REXO2: variants seen among roughly 807,000 people sequenced by gnomAD.
The protein encoded by REXO2 is RNA exonuclease 2.
A neutral mutation model predicts 30.9 loss-of-function variants in REXO2; 17 were observed. The observed-to-expected ratio is 0.55, with a 90% CI of 0.38 to 0.82. REXO2 has a LOEUF of 0.82. Among genes scored for constraint, REXO2 ranks in the 40% least tolerant of loss-of-function variants. The pLI is 0.00. For missense variants in REXO2, 253 were observed against 293.2 expected (o/e 0.86, Z 1.00); for synonymous variants, 105 against 99.6 (o/e 1.05, Z -0.32).
At chr11:114,443,115 CTT>C (rs760500402) in intron 2 of REXO2, among the ~76,000 whole-genome samples, 4 of 144,498 alleles carry the variant, frequency 2.8e-5, no homozygotes, top group African/African-American at 1.0e-4. Context: ...AATATAGATA[CTT>C]TTTTTTTTTA....
At chr11:114,444,332 A>G (rs1283843468) in intron 3 of REXO2, 2 of 635,358 alleles carry the variant, frequency 3.1e-6, no homozygotes, top group Non-Finnish European at 5.7e-6. Flanking sequence ...ACATGCTATT[A>G]ACAGTCAGGA....
At chr11:114,448,475 T>G (rs1187720751) in intron 6 of REXO2, among the ~76,000 whole-genome samples, 2 of 152,202 alleles carry the variant, frequency 1.3e-5, no homozygotes, top group African/African-American at 4.8e-5. Context: ...ATGATGTACC[T>G]TGCACAGTTA....
chr11:114,446,443 C>T (rs1946510371), intron 5 of REXO2: 2 of 165,164 alleles, frequency 1.2e-5, no homozygotes, highest in Non-Finnish European at 2.6e-5. Context: ...AAAAAACGCA[C>T]CCTGAAAATA....
At chr11:114,440,094 C>T (rs1946465395) in intron 1 of REXO2, 1 of 471,220 alleles carries the variant, frequency 2.1e-6, no homozygotes, top group Non-Finnish European at 4.2e-6. Context: ...CCTTACCCCT[C>T]ATTCCATAAG....
chr11:114,448,741 G>T (rs753638138), intron 6 of REXO2, among the ~76,000 whole-genome samples: 1 of 152,204 alleles, frequency 6.6e-6, no homozygotes, highest in African/African-American at 2.4e-5. Context: ...GCAGTGAAAC[G>T]TGTATATTCA....
intron 2 of REXO2, among the ~76,000 whole-genome samples, chr11:114,442,602 A>C (rs888527258): frequency 2.6e-5 from 4 of 152,208 alleles, no homozygotes; most frequent in African/African-American, 9.7e-5. Flanking sequence ...CTTAGTAGTA[A>C]TAATACCTTG....
At chr11:114,448,914 A>G (rs888498450) in intron 6 of REXO2, 10 of 152,266 alleles carry the variant, frequency 6.6e-5, no homozygotes, top group African/African-American at 2.4e-4. Context: ...CAGAGGCTAT[A>G]ATTTTGGCAG....
chr11:114,449,442 A>AATAT (rs4019733), intron 6 of REXO2, among the ~76,000 whole-genome samples: 90,904 of 151,418 alleles, frequency 0.6, 28,765 homozygotes, highest in African/African-American at 0.82. Flanking sequence ...AAAATTAATA[A>AATAT]ATTAGAAATA....
At chr11:114,439,979 C>G in intron 1 of REXO2, 1 of 512,122 alleles carries the variant, frequency 2.0e-6, no homozygotes, top group Non-Finnish European at 3.5e-6. Flanking sequence ...GCTTGGGTCA[C>G]TGGAGTGGGG....
At chr11:114,447,957 T>A (rs1946519598) in intron 6 of REXO2, 78 bp downstream of exon 6, 1 of 1,057,736 alleles carries the variant, frequency 9.5e-7, no homozygotes. Flanking sequence ...TGAAATAATG[T>A]CCCTTAACTC....
At chr11:114,445,954 T>G in intron 4 of REXO2, 25 bp from the exon 5 acceptor site, 1 of 1,144,142 alleles carries the variant, frequency 8.7e-7, no homozygotes, top group Non-Finnish European at 1.3e-6. Context: ...AATATAGAGA[T>G]GCAGTATGCT....
chr11:114,439,583 G>T lies in REXO2; in HGVS notation c.55G>T (p.Gly19Ter), dbSNP rs886719091. Residue 19 changes from glycine (G) to a stop codon, truncating the protein, a stop_gained, in exon 1 of 7, where the codon GGA becomes TGA. Transcript: ENST00000265881. LOFTEE classifies it high-confidence loss of function. ...GTTGCGGGGTGTAGGTGGGAGTCACGGACGGTTCGGGGCCCGAGGTGTCCG... is the reference window on the plus strand; with the variant it reads ...GTTGCGGGGTGTAGGTGGGAGTCACTGACGGTTCGGGGCCCGAGGTGTCCG... ...RLLRGVGGSH[G>*]RFGARGVREG... is the part of the protein sequence containing the mutation. The T allele has an allele frequency of 3.1e-6, 5 of 1,609,152 alleles. No individual in the cohort carries two copies. The African/African-American group carries it at 5.4e-5, about 17-fold the overall frequency.
intron 2 of REXO2, among the ~76,000 whole-genome samples, chr11:114,442,993 T>G (rs1448248805): frequency 6.6e-6 from 1 of 152,250 alleles, no homozygotes; most frequent in Non-Finnish European, 1.5e-5. Context: ...TCCAAGTTTA[T>G]GTATTGTCTT....
intron 2 of REXO2, chr11:114,441,832 A>G: frequency 1.4e-6 from 1 of 696,158 alleles, no homozygotes; most frequent in East Asian, 2.7e-5. Flanking sequence ...CTGTAGGAGA[A>G]TCATGAGACT....
chr11:114,445,958 G>A, intron 4 of REXO2, 21 bp from the exon 5 acceptor site: 4 of 1,246,326 alleles, frequency 3.2e-6, no homozygotes, highest in Non-Finnish European at 4.7e-6. Flanking sequence ...TAGAGATGCA[G>A]TATGCTTCGT....
intron 2 of REXO2, among the ~76,000 whole-genome samples, chr11:114,442,159 T>TA (rs56827315): frequency 0.017 from 2,334 of 134,686 alleles, 44 homozygotes; most frequent in African/African-American, 0.053. Flanking sequence ...ATAAAGATGT[T>TA]AAAAAAAAAA....
chr11:114,441,393 A>G (rs1319717972), intron 2 of REXO2, among the ~76,000 whole-genome samples: 1 of 152,242 alleles, frequency 6.6e-6, no homozygotes, highest in Non-Finnish European at 1.5e-5. Context: ...GCACACCCGT[A>G]AAGTGTTCTG....
At chr11:114,449,579 C>T (rs1474884201) in intron 6 of REXO2, among the ~76,000 whole-genome samples, 5 of 151,946 alleles carry the variant, frequency 3.3e-5, no homozygotes, top group Non-Finnish European at 7.4e-5. Context: ...TATTTTTTCT[C>T]CCTGTGGAAC....
Position 114,442,006 on chromosome 11 carries a change from T to G in REXO2, c.231+1267T>G, listed in dbSNP as rs1199449132. On this transcript the variant is annotated intron_variant, in intron 2 of 6. Transcript: ENST00000265881. Reference sequence around the variant, plus strand: ...CTTACCCTTGGCCGAAGAAGAGTGTTTCCTTTAGACTGTTGATATAATGTG... The same window carrying G: ...CTTACCCTTGGCCGAAGAAGAGTGTGTCCTTTAGACTGTTGATATAATGTG... 7.4e-6 allele frequency: 4 copies of G among 544,122 alleles called. No individual in the cohort carries two copies. In the African/African-American group the frequency reaches 7.6e-5, roughly 10 times the overall value. The allele number at this position is 544,122 out of a possible 1,614,324, so 33.7% of individuals were successfully genotyped here.
Sources: gnomAD v4.1 joint callset for allele counts (sites outside exome capture counted in the v4.1 genomes callset) on GRCh38, gnomAD v4.1.1 for gene constraint, MANE v1.5 for transcripts, NCBI Gene and HGNC (gene_info 2026-07-23, HGNC 2026-07-21) for gene names.